NCOR1: variants seen among roughly 807,000 people sequenced by gnomAD.
NCOR1 encodes nuclear receptor corepressor 1.
NCOR1 carries 63 observed loss-of-function variants against 288.1 expected under a neutral mutation model. The observed-to-expected ratio is 0.22, with a 90% CI of 0.18 to 0.27. The LOEUF is 0.27. Among genes scored for constraint, NCOR1 ranks in the 10% least tolerant of loss-of-function variants. The pLI is 1.00. For synonymous variants in NCOR1, 1,007 were observed against 1,065.9 expected, an observed-to-expected ratio of 0.94 and a Z score of 1.08; for missense variants, 2,397 against 3,019.2, an observed-to-expected ratio of 0.79 and a Z score of 4.83.
In NCOR1 at chr17:16,139,028, T is replaced by C; in HGVS notation, c.1332A>G (p.Glu444=). The C allele has an allele frequency of 6.3e-7, 1 of 1,578,190 alleles. No individual in the cohort carries two copies. Among genetic ancestry groups the C allele is most frequent in the Non-Finnish European group, 8.6e-7 (1 of 1,159,796 alleles). ...ATTACTTGTCCTTAAAGATCTCCTT[T>C]TCATGGTCAGTCCAAACATTCATAA... ...RQFMNVWTDH[E]KEIFKDKFIQ... The change falls in exon 12 of 46, where the codon GAA becomes GAG. Residue 444 remains glutamate, a synonymous_variant. Coordinates refer to ENST00000268712, the MANE Select transcript of NCOR1 (RefSeq NM_006311.4).
chr17:16,196,814 G>C (rs2089910119), intron 1 of NCOR1, among the ~76,000 whole-genome samples: 2 of 117,638 alleles, frequency 1.7e-5, no homozygotes, highest in Admixed American at 2.2e-4. Context: ...AACAGAGCAA[G>C]ACTCTGTCTC....
At chr17:16,195,340 A>G (rs1007685725) in intron 1 of NCOR1, among the ~76,000 whole-genome samples, 37 of 152,086 alleles carry the variant, frequency 2.4e-4, no homozygotes, top group African/African-American at 8.9e-4. Context: ...GCACGGTGAC[A>G]TGCGTCTGTA....
At chr17:16,167,374 A>G (rs576238099) in intron 4 of NCOR1, among the ~76,000 whole-genome samples, 13 of 152,114 alleles carry the variant, frequency 8.5e-5, no homozygotes, top group African/African-American at 2.9e-4. Context: ...TTCTTACCTC[A>G]TATCTTACAT....
chr17:16,041,259 G>C (rs914519142), intron 42 of NCOR1: 4 of 152,184 alleles, frequency 2.6e-5, no homozygotes, highest in African/African-American at 9.7e-5. Context: ...CTATAATAAA[G>C]CAGTGTGCCA....
chr17:16,062,022 C>A (rs780786292), intron 36 of NCOR1, 83 bp downstream of exon 36: 115 of 1,585,710 alleles, frequency 7.3e-5, no homozygotes, highest in Non-Finnish European at 9.3e-5. Flanking sequence ...AAAAGCATGA[C>A]TATACTTAGA....
chr17:16,154,028 T>A (rs1413022971), intron 6 of NCOR1, among the ~76,000 whole-genome samples: 3 of 145,476 alleles, frequency 2.1e-5, no homozygotes, highest in Non-Finnish European at 3.0e-5. Flanking sequence ...TTTTTTTTTT[T>A]TTTTTTTTTT....
chr17:16,092,670 TATATATATATATATATATATA>T (rs2065464574), intron 21 of NCOR1, among the ~76,000 whole-genome samples: 2 of 15,876 alleles, frequency 1.3e-4, no homozygotes, highest in African/African-American at 6.2e-4. Flanking sequence ...TATATATATA[TATATATATATATATATATATA>T]TATATTTTTT....
chr17:16,177,135 G>A (rs913413665), intron 3 of NCOR1, among the ~76,000 whole-genome samples: 14 of 152,066 alleles, frequency 9.2e-5, no homozygotes, highest in African/African-American at 3.4e-4. Flanking sequence ...TTTACCTTAA[G>A]CCACATCTAC....
At chr17:16,186,257 C>T (rs946755196) in intron 3 of NCOR1, among the ~76,000 whole-genome samples, 3 of 152,152 alleles carry the variant, frequency 2.0e-5, no homozygotes, top group Non-Finnish European at 4.4e-5. Flanking sequence ...TGTGATGAGG[C>T]TTGGGCATCC....
At chr17:16,077,552 T>G (rs191433969) in intron 26 of NCOR1, among the ~76,000 whole-genome samples, 268 of 3,038 alleles carry the variant, frequency 0.088, no homozygotes, top group Non-Finnish European at 0.099. Context: ...GAGGAGAGGA[T>G]AGGGGAGGGG....
chr17:16,207,648 G>C (rs1484184502), intron 1 of NCOR1, among the ~76,000 whole-genome samples: 1 of 151,568 alleles, frequency 6.6e-6, no homozygotes, highest in Non-Finnish European at 1.5e-5. Flanking sequence ...GGCTGAGGCA[G>C]GAGAATGGTG....
intron 40 of NCOR1, among the ~76,000 whole-genome samples, chr17:16,051,795 C>G (rs2059342622): frequency 6.6e-6 from 1 of 151,978 alleles, no homozygotes; most frequent in South Asian, 2.1e-4. Flanking sequence ...GCCTGTAATC[C>G]CAGCTACTCG....
intron 2 of NCOR1, among the ~76,000 whole-genome samples, chr17:16,187,565 C>G (rs115014667): frequency 0.012 from 1,768 of 147,424 alleles, 36 homozygotes; most frequent in African/African-American, 0.042. Flanking sequence ...AGGTCAGGCA[C>G]AAAAGGCCAC....
intron 16 of NCOR1, among the ~76,000 whole-genome samples, chr17:16,119,870 G>A (rs2072617552): frequency 2.0e-5 from 3 of 152,000 alleles, no homozygotes; most frequent in Admixed American, 2.0e-4. Context: ...CCTCTCCTCT[G>A]AGCCTCCATC....
intron 3 of NCOR1, among the ~76,000 whole-genome samples, chr17:16,183,069 C>T (rs2085834489): frequency 6.6e-6 from 1 of 151,510 alleles, no homozygotes; most frequent in Non-Finnish European, 1.5e-5. Flanking sequence ...AATTCCACAA[C>T]TAACATCATA....
At chr17:16,124,474 T>G (rs920395850) in intron 15 of NCOR1, among the ~76,000 whole-genome samples, 1 of 152,214 alleles carries the variant, frequency 6.6e-6, no homozygotes, top group South Asian at 2.1e-4. Flanking sequence ...ATTGTGATAA[T>G]AGTTACACAA....
intron 10 of NCOR1, among the ~76,000 whole-genome samples, chr17:16,145,027 G>A (rs567339948): frequency 8.5e-5 from 13 of 152,244 alleles, no homozygotes; most frequent in East Asian, 5.8e-4. Flanking sequence ...CTCCTGCCTC[G>A]TGCCTGGGAT....
At chr17:16,053,650 A>G (rs2059573497) in intron 40 of NCOR1, among the ~76,000 whole-genome samples, 1 of 152,222 alleles carries the variant, frequency 6.6e-6, no homozygotes, top group South Asian at 2.1e-4. Flanking sequence ...TGCTATTCCT[A>G]TTAAACTACC....
intron 14 of NCOR1, among the ~76,000 whole-genome samples, chr17:16,127,145 GTATATAT>G (rs2074234340): frequency 7.6e-6 from 1 of 132,250 alleles, no homozygotes; most frequent in African/African-American, 3.4e-5. Flanking sequence ...ATACATGTAT[GTATATAT>G]CTGTATGTAT....
Sources: allele counts gnomAD v4.1 joint callset (sites outside exome capture counted in the v4.1 genomes callset), GRCh38; gene constraint gnomAD v4.1.1; transcripts MANE v1.5; gene names NCBI Gene and HGNC (gene_info 2026-07-23, HGNC 2026-07-21).